Variants in DAB1 observed in about 807,000 individuals in gnomAD.
DAB1 encodes the protein disabled homolog 1.
A neutral mutation model predicts 64.6 loss-of-function variants in DAB1; 15 were observed. That is an observed-to-expected ratio of 0.23 (90% CI 0.16 to 0.36). The LOEUF (loss-of-function observed/expected upper bound fraction) is 0.36, where lower values mean the gene tolerates loss of function less well. Among genes scored for constraint, DAB1 ranks in the 10% least tolerant of loss-of-function variants. The pLI, the probability that DAB1 is intolerant of heterozygous loss-of-function variation, is 1.00. For missense variants in DAB1, 596 were observed against 706.7 expected (o/e 0.84, Z 1.78); for synonymous variants, 235 against 251.9 (o/e 0.93, Z 0.64).
chr1:57,400,039 G>A (rs995726351), intron 1 of DAB1, among the ~76,000 whole-genome samples: 1 of 152,156 alleles, frequency 6.6e-6, no homozygotes, highest in South Asian at 2.1e-4. Context: ...ATTATAGGTA[G>A]CTTCTGATGG....
At chr1:57,488,927 A>T (rs1165336033) in intron 7 of DAB1, among the ~76,000 whole-genome samples, 3 of 152,228 alleles carry the variant, frequency 2.0e-5, no homozygotes, top group African/African-American at 7.2e-5. Flanking sequence ...AATAAATTAC[A>T]TCTCTTTTAT....
chr1:57,855,939 A>G (rs1415270566), intron 1 of DAB1, among the ~76,000 whole-genome samples: 1 of 152,210 alleles, frequency 6.6e-6, no homozygotes, highest in Non-Finnish European at 1.5e-5. Context: ...CGCTAGCTTG[A>G]ATGAGAGTAG....
At chr1:58,023,580 C>T (rs960431369) in intron 5 of DAB1, among the ~76,000 whole-genome samples, 3 of 152,164 alleles carry the variant, frequency 2.0e-5, no homozygotes, top group Non-Finnish European at 2.9e-5. Flanking sequence ...CTCTGCAAGT[C>T]TAGTTCTCAG....
At chr1:57,329,512 T>C (rs1429702808) in intron 1 of DAB1, among the ~76,000 whole-genome samples, 2 of 152,094 alleles carry the variant, frequency 1.3e-5, no homozygotes, top group African/African-American at 2.4e-5. Context: ...ATTCTAATTA[T>C]GTGGGCTTGA....
chr1:58,195,087 G>C (rs1275078980), intron 4 of DAB1, among the ~76,000 whole-genome samples: 2 of 152,056 alleles, frequency 1.3e-5, no homozygotes, highest in Non-Finnish European at 2.9e-5. Context: ...GATAAGAAAA[G>C]GGCAAAAATA....
At chr1:58,397,061 T>C (rs1195246039) in intron 3 of DAB1, among the ~76,000 whole-genome samples, 1 of 134,860 alleles carries the variant, frequency 7.4e-6, no homozygotes, top group Admixed American at 7.7e-5. Context: ...CGAGACTCCG[T>C]CTCAAAAAAA....
chr1:57,059,845 T>C (rs1009321284), intron 9 of DAB1, among the ~76,000 whole-genome samples: 5 of 152,186 alleles, frequency 3.3e-5, no homozygotes, highest in African/African-American at 1.2e-4. Flanking sequence ...CCTGTCTCTA[T>C]ACCACAGCCT....
Position 57,595,346 on chromosome 1 carries a change from T to A in DAB1, n.625+54246A>T, listed in dbSNP as rs970503484. 1.8e-4 allele frequency among the ~76,000 whole-genome samples: 28 copies of A among 152,214 alleles called. No homozygotes were observed. The Middle Eastern group carries it at 0.01, about 55-fold the overall frequency. On this transcript the variant is annotated intron_variant and non_coding_transcript_variant, in intron 7 of 20. Coordinates refer to the DAB1 transcript ENST00000485760. ...AAAGTCATTGTGAAAGGATATCAGC[T>A]TTTTTGGGCCCCCAAATCTCTCAAT...
At chr1:57,415,722 A>G (rs60825740) in intron 1 of DAB1, among the ~76,000 whole-genome samples, 1,615 of 152,292 alleles carry the variant, frequency 0.011, 18 homozygotes, top group African/African-American at 0.029. Flanking sequence ...GTGAGTAGAC[A>G]TATAATACTG....
At chr1:57,553,479 A>AGGAC (rs1644948176) in intron 7 of DAB1, among the ~76,000 whole-genome samples, 1 of 93,942 alleles carries the variant, frequency 1.1e-5, no homozygotes. Flanking sequence ...AAAGAAAGGA[A>AGGAC]GGAAGGAAGG....
intron 4 of DAB1, among the ~76,000 whole-genome samples, chr1:58,206,072 G>A (rs1268498620): frequency 6.6e-6 from 1 of 152,086 alleles, no homozygotes; most frequent in East Asian, 2.0e-4. Context: ...TTTTGCCAAA[G>A]TTAAGGACGT....
intron 3 of DAB1, among the ~76,000 whole-genome samples, chr1:58,373,388 G>C (rs1644288818): frequency 7.2e-6 from 1 of 139,230 alleles, no homozygotes; most frequent in South Asian, 2.4e-4. Flanking sequence ...TGATCTCATT[G>C]TTCAATTCCC....
chr1:58,546,263 C>G (rs1646702698), intron 1 of DAB1, among the ~76,000 whole-genome samples: 1 of 152,236 alleles, frequency 6.6e-6, no homozygotes, highest in Non-Finnish European at 1.5e-5. Context: ...ATGCCCGACG[C>G]GCCGGGAGGC....
chr1:58,365,354 C>T (rs780525170), intron 3 of DAB1, among the ~76,000 whole-genome samples: 7 of 152,230 alleles, frequency 4.6e-5, no homozygotes, highest in Non-Finnish European at 7.3e-5. Flanking sequence ...GGAATGCTTA[C>T]TGCCCAGTTG....
chr1:58,017,870 C>G (rs1330709574), intron 5 of DAB1, among the ~76,000 whole-genome samples: 1 of 152,190 alleles, frequency 6.6e-6, no homozygotes, highest in Non-Finnish European at 1.5e-5. Context: ...TTATTGAGCT[C>G]TTAATAGCTC....
chr1:58,231,735 T>C (rs1196885173), intron 4 of DAB1, among the ~76,000 whole-genome samples: 1 of 152,190 alleles, frequency 6.6e-6, no homozygotes, highest in African/African-American at 2.4e-5. Context: ...CCTGTCTGAG[T>C]AACAGTACAC....
chr1:58,455,513 A>T (rs929581305), intron 3 of DAB1, among the ~76,000 whole-genome samples: 1 of 152,240 alleles, frequency 6.6e-6, no homozygotes, highest in African/African-American at 2.4e-5. Flanking sequence ...AGGCGGAGAG[A>T]GGGGTGAGGC....
intron 14 of DAB1, among the ~76,000 whole-genome samples, chr1:57,008,367 A>G (rs1383286394): frequency 6.6e-6 from 1 of 152,246 alleles, no homozygotes; most frequent in Non-Finnish European, 1.5e-5. Flanking sequence ...AGCTAAATGT[A>G]TAAAATCCAA....
chr1:57,948,067 A>C (rs1168673744), intron 5 of DAB1, among the ~76,000 whole-genome samples: 1 of 151,868 alleles, frequency 6.6e-6, no homozygotes, highest in Non-Finnish European at 1.5e-5. Context: ...CTGCTCTACA[A>C]CTTCTGCCTC....
Sources: allele counts gnomAD v4.1 joint callset (sites outside exome capture counted in the v4.1 genomes callset), GRCh38; gene constraint gnomAD v4.1.1; transcripts MANE v1.5; gene names NCBI Gene and HGNC (gene_info 2026-07-23, HGNC 2026-07-21).